Variants in SPDYE18 observed in about 807,000 individuals in gnomAD.
SPDYE18 encodes speedy protein E18.
Under a neutral mutation model 44.9 loss-of-function variants are expected in SPDYE18, and 6 were observed. The ratio of observed to expected loss-of-function variants is 0.13; its 90% CI spans 0.07 to 0.26. The LOEUF is 0.26. SPDYE18 is among the 10% of genes least tolerant of loss of function. The pLI, the probability that SPDYE18 is intolerant of heterozygous loss-of-function variation, is 1.00. For missense variants in SPDYE18, 121 were observed against 463.2 expected (o/e 0.26, Z 6.78); for synonymous variants, 35 against 177.1 (o/e 0.20, Z 6.37).
At chr7:77,059,624 T>C (rs1406604987) in intron 2 of SPDYE18, among the ~76,000 whole-genome samples, 1 of 151,550 alleles carries the variant, frequency 6.6e-6, no homozygotes, top group African/African-American at 2.4e-5. Context: ...CCTTCCCTGG[T>C]CTCTGGCTCT....
In SPDYE18 at chr7:77,051,830, T is replaced by C. The variant is rs1789805519; in HGVS notation, c.*95A>G. Among the ~76,000 whole-genome samples, 2 of 151,854 alleles carry C rather than the reference T, an allele frequency of 1.3e-5. No homozygotes were observed. Among genetic ancestry groups the C allele is most frequent in the South Asian group, 2.1e-4 (1 of 4,814 alleles). ...TCTTTCCTGTTGTCTGCCATTAGCATTGGAATAAAGTTCCTGCTGAAAATC... is the reference window on the plus strand; with the variant it reads ...TCTTTCCTGTTGTCTGCCATTAGCACTGGAATAAAGTTCCTGCTGAAAATC... On this transcript the variant is annotated 3_prime_UTR_variant, in exon 9 of 9. Coordinates refer to ENST00000510091, the MANE Select transcript of SPDYE18 (RefSeq NM_001394953.1).
chr7:77,053,564 A>G (rs1437913826), intron 6 of SPDYE18, among the ~76,000 whole-genome samples: 6 of 152,230 alleles, frequency 3.9e-5, no homozygotes, highest in Non-Finnish European at 8.8e-5. Flanking sequence ...AATATGCCAG[A>G]CGCGGTGGCT....
chr7:77,051,082 G>A lies in SPDYE18; in HGVS notation c.*843C>T, dbSNP rs1425090100. On this transcript the variant is annotated 3_prime_UTR_variant, in exon 9 of 9. Transcript: ENST00000510091. Reference sequence around the variant, plus strand: ...CACAATTCAGTCACAAACCTAAACAGCAAATAAAAATTTCTATCACCAGAA... The same window carrying A: ...CACAATTCAGTCACAAACCTAAACAACAAATAAAAATTTCTATCACCAGAA... 1.3e-5 allele frequency among the ~76,000 whole-genome samples: 2 copies of A among 151,816 alleles called. No homozygotes were observed. The highest frequency in any genetic ancestry group is 1.3e-4 in the Admixed American group (2 of 15,254).
At chr7:77,059,626 T>C (rs1331119557) in intron 2 of SPDYE18, among the ~76,000 whole-genome samples, 2 of 150,444 alleles carry the variant, frequency 1.3e-5, no homozygotes, top group Admixed American at 6.7e-5. Context: ...TTCCCTGGTC[T>C]CTGGCTCTCT....
At chr7:77,062,218 A>G (rs1470061910) in intron 1 of SPDYE18, among the ~76,000 whole-genome samples, 1 of 144,952 alleles carries the variant, frequency 6.9e-6, no homozygotes, top group Non-Finnish European at 1.5e-5. Flanking sequence ...AAAGGCACAC[A>G]CTGAAAGAGG....
chr7:77,053,632 G>C (rs1789856370), intron 6 of SPDYE18, among the ~76,000 whole-genome samples: 1 of 152,274 alleles, frequency 6.6e-6, no homozygotes, highest in Non-Finnish European at 1.5e-5. Context: ...TTGAGACCAG[G>C]AGTTGGAGAC....
chr7:77,060,368 C>G lies in SPDYE18; in HGVS notation c.145G>C (p.Val49Leu). The G allele has an allele frequency of 6.5e-7, 1 of 1,535,500 alleles. No homozygotes were observed. The highest frequency in any genetic ancestry group is 1.2e-5 in the South Asian group (1 of 83,968). The change falls in exon 2 of 9, where the codon GTG becomes CTG. Residue 49 changes from valine to leucine, a missense_variant. Transcript: ENST00000510091. Reference sequence around the variant, plus strand: ...GTCCCCTCACCTGATGGTCCCAACACTTCATCATCCACCACCTCCTGGAGG... The same window carrying G: ...GTCCCCTCACCTGATGGTCCCAACAGTTCATCATCCACCACCTCCTGGAGG... Reference protein sequence around the residue: ...YPLQEVVDDEVLGPSAPGVDP... With the variant: ...YPLQEVVDDELLGPSAPGVDP...
Position 77,051,472 on chromosome 7 carries a change from G to C in SPDYE18, c.*453C>G, listed in dbSNP as rs1240972955. Among the ~76,000 whole-genome samples, 31 of 152,398 alleles carry C rather than the reference G, an allele frequency of 2.0e-4. No individual in the cohort carries two copies. The highest frequency in any genetic ancestry group is 3.9e-4 in the East Asian group (2 of 5,192). ...GCTATCTGTTACAATCTGTGGCACT[G>C]ATATTTCACAAAAGAATTCTGTGCC... On this transcript the variant is annotated 3_prime_UTR_variant, in exon 9 of 9. Transcript: ENST00000510091.
Position 77,060,441 on chromosome 7 carries a change from C to T in SPDYE18, c.72G>A (p.Pro24=), listed in dbSNP as rs966452047. 3.1e-5 allele frequency: 48 copies of T among 1,535,310 alleles called. 1 individual carries two copies. Among genetic ancestry groups the T allele is most frequent in the East Asian group, 1.2e-4 (5 of 40,938 alleles). The change falls in exon 2 of 9, where the codon CCG becomes CCA. Residue 24 remains proline, a synonymous_variant. Transcript: ENST00000510091. ...ITGKITTSRQ[P]HPQNEQSLQR... ...GGAGACTCTGCTCATTCTGGGGGTG[C>T]GGTTGACGGCTGGTCGTGATCTTTC...
intron 6 of SPDYE18, among the ~76,000 whole-genome samples, chr7:77,054,611 G>C (rs1392698022): frequency 6.6e-6 from 1 of 152,238 alleles, no homozygotes; most frequent in African/African-American, 2.4e-5. Flanking sequence ...GGTTGATGTG[G>C]GAAGGAGAGA....
chr7:77,053,978 C>A (rs1789869519), intron 6 of SPDYE18, among the ~76,000 whole-genome samples: 1 of 150,156 alleles, frequency 6.7e-6, no homozygotes, highest in African/African-American at 2.4e-5. Flanking sequence ...CCACTGCACT[C>A]CAGCTTGGGG....
At chr7:77,061,964 C>T (rs1413967483) in intron 1 of SPDYE18, among the ~76,000 whole-genome samples, 1 of 90,244 alleles carries the variant, frequency 1.1e-5, no homozygotes, top group Non-Finnish European at 2.0e-5. Flanking sequence ...CCCATCTCTA[C>T]TAAAAATACA....
At chr7:77,052,542 C>T (rs1789823881) in intron 8 of SPDYE18, among the ~76,000 whole-genome samples, 191 bp downstream of exon 8, 1 of 152,244 alleles carries the variant, frequency 6.6e-6, no homozygotes, top group Non-Finnish European at 1.5e-5. Context: ...TCCAGCGATC[C>T]TCCCGCCTCA....
At chr7:77,053,242 C>A in intron 6 of SPDYE18, 39 bp from the exon 7 acceptor site, 2 of 1,611,354 alleles carry the variant, frequency 1.2e-6, no homozygotes, top group Non-Finnish European at 8.5e-7. Context: ...GGGGCACCAC[C>A]AGGAGAGGCC....
chr7:77,058,116 C>A (rs868578625), intron 3 of SPDYE18, among the ~76,000 whole-genome samples: 12 of 62,234 alleles, frequency 1.9e-4, no homozygotes, highest in African/African-American at 3.3e-4. Flanking sequence ...CTCTGAGTCT[C>A]TTTTTTTTTT....
rs1330198092 is a variant in SPDYE18 at position 77,060,887 on chromosome 7, A to C, written c.-375T>G. Among the ~76,000 whole-genome samples the C allele has an allele frequency of 6.6e-6, 1 of 151,642 alleles. No homozygotes were observed. Among genetic ancestry groups the C allele is most frequent in the South Asian group, 2.1e-4 (1 of 4,806 alleles). ...GTCCTCTCCACTCAAAGCCTGAAGC[A>C]TGTTGGGGTCTCTTCATCTCTGTAC... On this transcript the variant is annotated 5_prime_UTR_variant, in exon 2 of 9. It removes an upstream start codon present in the reference 5' UTR. Transcript: ENST00000510091.
rs1039144706 is a variant in SPDYE18, at chr7:77,053,205, T to C, written c.756-2A>G. Reference sequence around the variant, plus strand: ...TCCTCCATGTCATTGGCCAGGTAGCTGAGGACAGAAATCAGGTTGGTGCTC... The same window carrying C: ...TCCTCCATGTCATTGGCCAGGTAGCCGAGGACAGAAATCAGGTTGGTGCTC... On this transcript the variant is annotated splice_acceptor_variant, in intron 6 of 8. Coordinates refer to ENST00000510091, the MANE Select transcript of SPDYE18 (RefSeq NM_001394953.1). LOFTEE classifies it high-confidence loss of function. 2.5e-6 allele frequency: 4 copies of C among 1,613,020 alleles called. No homozygotes were observed. The African/African-American group carries it at 4.0e-5, about 16-fold the overall frequency.
Position 77,058,116 on chromosome 7 carries a change from CTTTT to C in SPDYE18, c.380-253_380-250del, listed in dbSNP as rs375559743. ...CCCTGGTCCCTGGCTCTCTGAGTCT[CTTTT>C]TTTTTTTTTTTTTTTTTGTTGTTGT... On this transcript the variant is annotated intron_variant, in intron 3 of 8. Coordinates refer to ENST00000510091, the MANE Select transcript of SPDYE18 (RefSeq NM_001394953.1). Among the ~76,000 whole-genome samples the C allele has an allele frequency of 1.6e-3, 102 of 62,142 alleles. No individual in the cohort carries two copies. In the East Asian group the frequency reaches 0.039, roughly 23 times the overall value. 40.8% of individuals were successfully genotyped at this position (62,142 alleles called of 152,430 possible). A position where few individuals can be genotyped will look rare whatever the true frequency, so the allele number is the denominator to read the frequency against.
At chr7:77,052,527 C>G (rs1331288826) in intron 8 of SPDYE18, among the ~76,000 whole-genome samples, 2 of 152,196 alleles carry the variant, frequency 1.3e-5, no homozygotes, top group African/African-American at 2.4e-5. Flanking sequence ...CCTGACCTTC[C>G]AGGCTCCAGC....
Sources: allele counts gnomAD v4.1 joint callset (sites outside exome capture counted in the v4.1 genomes callset), GRCh38; gene constraint gnomAD v4.1.1; transcripts MANE v1.5; gene names NCBI Gene and HGNC (gene_info 2026-07-23, HGNC 2026-07-21).